Variants in SNCB observed in about 807,000 individuals in gnomAD.
SNCB encodes synuclein beta.
Under a neutral mutation model 20.0 loss-of-function variants are expected in SNCB, and 8 were observed. That is an observed-to-expected ratio of 0.40 (90% CI 0.24 to 0.72). The LOEUF (loss-of-function observed/expected upper bound fraction) is 0.72. Among genes scored for constraint, SNCB ranks in the 30% least tolerant of loss-of-function variants. The probability of loss-of-function intolerance (pLI) is 0.37; values close to 1 mark genes in which losing one functional copy is unlikely to be tolerated. For synonymous variants in SNCB, 56 were observed against 65.4 expected (o/e 0.86, Z 0.69); for missense variants, 125 against 168.0 (o/e 0.74, Z 1.41).
In SNCB at chr5:176,629,029, G is replaced by A. The variant is rs540557713; in HGVS notation, c.121+505C>T. On this transcript the variant is annotated intron_variant, in intron 2 of 5. Transcript: ENST00000393693. This position sits in a 1 kb window ranked among gnomAD's most constrained non-coding sequence, Gnocchi z 4.1. ...GGTGCTGGAGGGAGGCGCCACAAGG[G>A]GAGGGGTGGGGCTTCAGAATCTATA... Among the ~76,000 whole-genome samples the A allele has an allele frequency of 3.9e-5, 6 of 152,252 alleles. No individual in the cohort carries two copies. Among genetic ancestry groups the A allele is most frequent in the East Asian group, 3.9e-4 (2 of 5,176 alleles).
Position 176,629,271 on chromosome 5 carries a change from GCTGT to G in SNCB, c.121+259_121+262del, listed in dbSNP as rs952451363. ...TGGTAAAAAAGATAAGAAAAAGGAGGCTGTCTGCTTTCATCACTGCACTGGTCCC... is the reference window on the plus strand; with the variant it reads ...TGGTAAAAAAGATAAGAAAAAGGAGGCTGCTTTCATCACTGCACTGGTCCC... On this transcript the variant is annotated intron_variant, in intron 2 of 5. Coordinates refer to ENST00000393693, the MANE Select transcript of SNCB (RefSeq NM_003085.5). This position sits in a 1 kb window ranked among gnomAD's most constrained non-coding sequence, Gnocchi z 4.1. Among the ~76,000 whole-genome samples the G allele has an allele frequency of 5.9e-5, 9 of 152,058 alleles. No homozygotes were observed. Among genetic ancestry groups the G allele is most frequent in the African/African-American group, 1.9e-4 (8 of 41,390 alleles).
intron 4 of SNCB, among the ~76,000 whole-genome samples, chr5:176,622,943 G>A (rs1162210877): frequency 2.6e-5 from 4 of 151,738 alleles, no homozygotes; most frequent in Non-Finnish European, 5.9e-5. Flanking sequence ...CGCCATGTTG[G>A]TCAGGCTGTT....
At position 176,629,893 on chromosome 5, in the gene SNCB, G is replaced by T; in HGVS notation, c.-9-230C>A. On this transcript the variant is annotated intron_variant, in intron 1 of 5. Coordinates refer to ENST00000393693, the MANE Select transcript of SNCB (RefSeq NM_003085.5). This position sits in a 1 kb window ranked among gnomAD's most constrained non-coding sequence, Gnocchi z 4.1. ...GGACGCGGGAGGGGCCACTGCCTCG[G>T]TTATCCGGGCCCTGCAAACTGCAGC... 1 of 529,106 alleles carries T rather than the reference G, an allele frequency of 1.9e-6. No homozygotes were observed. The highest frequency in any genetic ancestry group is 3.2e-6 in the Non-Finnish European group (1 of 309,540). The allele number at this position is 529,106 out of a possible 1,614,324, so 32.8% of individuals were successfully genotyped here. A position where few individuals can be genotyped will look rare whatever the true frequency, so the allele number is the denominator to read the frequency against.
At position 176,629,228 on chromosome 5, in the gene SNCB, C is replaced by T. The variant is rs1250760164; in HGVS notation, c.121+306G>A. 6.6e-6 allele frequency among the ~76,000 whole-genome samples: 1 copy of T among 152,128 alleles called. No homozygotes were observed. The highest frequency in any genetic ancestry group is 1.5e-5 in the Non-Finnish European group (1 of 68,032). On this transcript the variant is annotated intron_variant, in intron 2 of 5. Transcript: ENST00000393693. The surrounding 1 kb of genome is among the most constrained non-coding windows in gnomAD (Gnocchi z 4.1). ...CTTGGCATACAGAAAGTGTTCAACACCAGATAACTATTAATAATGGTAAAA... is the reference window on the plus strand; with the variant it reads ...CTTGGCATACAGAAAGTGTTCAACATCAGATAACTATTAATAATGGTAAAA...
chr5:176,626,772 A>G lies in SNCB; in HGVS notation c.122-11T>C, dbSNP rs1759984878. On this transcript the variant is annotated splice_polypyrimidine_tract_variant and intron_variant, in intron 2 of 5. Coordinates refer to ENST00000393693, the MANE Select transcript of SNCB (RefSeq NM_003085.5). The surrounding 1 kb of genome is among the most constrained non-coding windows in gnomAD (Gnocchi z 4.2). ...CTCGGGTCTTGCTTCCTGCAGGGAG[A>G]AAAAGCGGCACATTTAAGGACTCTG... is the stretch of plus-strand genomic sequence containing the variant. The G allele has an allele frequency of 6.2e-7, 1 of 1,613,968 alleles. No individual in the cohort carries two copies. Among genetic ancestry groups the G allele is most frequent in the Non-Finnish European group, 8.5e-7 (1 of 1,179,914 alleles).
rs1206655163 is a variant in SNCB at position 176,629,492 on chromosome 5, A to AC, written c.121+41dup. ...GGCCCCAGCTCCACACTGTCGGGGGACCCCCAGCCCTGCAGCCCCAGAAAC... is the reference window on the plus strand; with the variant it reads ...GGCCCCAGCTCCACACTGTCGGGGGACCCCCCAGCCCTGCAGCCCCAGAAAC... On this transcript the variant is annotated intron_variant, in intron 2 of 5. Coordinates refer to ENST00000393693, the MANE Select transcript of SNCB (RefSeq NM_003085.5). This position sits in a 1 kb window ranked among gnomAD's most constrained non-coding sequence, Gnocchi z 4.1. The AC allele has an allele frequency of 1.9e-6, 3 of 1,595,732 alleles. No homozygotes were observed. The highest frequency in any genetic ancestry group is 1.7e-5 in the Admixed American group (1 of 58,952).
chr5:176,625,583 G>A lies in SNCB; in HGVS notation c.282+815C>T, dbSNP rs114990768. Among the ~76,000 whole-genome samples, 956 of 152,296 alleles carry A rather than the reference G, an allele frequency of 6.3e-3. 10 individuals are homozygous for A. The highest frequency in any genetic ancestry group is 0.022 in the African/African-American group (919 of 41,538). ...CAAACCCAGCTGAGGCTGGGGGTAG[G>A]TGGGTTCAGAGCTCACAACTCTTAA... On this transcript the variant is annotated intron_variant, in intron 4 of 5. Coordinates refer to ENST00000393693, the MANE Select transcript of SNCB (RefSeq NM_003085.5).
At position 176,628,548 on chromosome 5, in the gene SNCB, T is replaced by C. The variant is rs923079869; in HGVS notation, c.121+986A>G. 4.6e-5 allele frequency among the ~76,000 whole-genome samples: 7 copies of C among 152,300 alleles called. No individual in the cohort carries two copies. The East Asian group carries it at 1.3e-3, about 29-fold the overall frequency. ...TGGCCTGCAAAGGGCCCTCGTGAAC[T>C]GTCTCCTGCCCATCGCTCTGACCTC... On this transcript the variant is annotated intron_variant, in intron 2 of 5. Transcript: ENST00000393693.
Position 176,621,291 on chromosome 5 carries a change from C to G in SNCB, c.295G>C (p.Ala99Pro). The change falls in exon 5 of 6, where the codon GCC (alanine) becomes CCC (proline). Residue 99 changes from alanine to proline, a missense_variant. By Grantham distance (27) the Ala-to-Pro change is conservative. Coordinates refer to ENST00000393693, the MANE Select transcript of SNCB (RefSeq NM_003085.5). The surrounding 1 kb of genome is among the most constrained non-coding windows in gnomAD (Gnocchi z 4.1). ...FPTDLKPEEVAQEAAEEPLIE... is the reference protein window; with the variant it reads ...FPTDLKPEEVPQEAAEEPLIE... ...AGTGGTTCTTCAGCAGCTTCCTGGG[C>G]CACTTCCTCTGGCTGTGGGCAGAAA... 1.2e-6 allele frequency: 2 copies of G among 1,613,464 alleles called. No homozygotes were observed. Among genetic ancestry groups the G allele is most frequent in the Non-Finnish European group, 1.7e-6 (2 of 1,179,808 alleles).
chr5:176,629,930 G>T lies in SNCB; in HGVS notation c.-9-267C>A, dbSNP rs1760261395. 3 of 425,280 alleles carry T rather than the reference G, an allele frequency of 7.1e-6. No homozygotes were observed. The Admixed American group carries it at 1.2e-4, about 17-fold the overall frequency. The allele number at this position is 425,280 out of a possible 1,614,324, so 26.3% of individuals were successfully genotyped here. Reference sequence around the variant, plus strand: ...CTGCAAACTGCAGCCCCGTCGAACCGGAGTGCTGGGTTCGGCGCGAATATC... The same window carrying T: ...CTGCAAACTGCAGCCCCGTCGAACCTGAGTGCTGGGTTCGGCGCGAATATC... On this transcript the variant is annotated intron_variant, in intron 1 of 5. Transcript: ENST00000393693. The surrounding 1 kb of genome is among the most constrained non-coding windows in gnomAD (Gnocchi z 4.1).
rs1197462194 is a variant in SNCB, at chr5:176,620,241, G to GA, written c.*569_*570insT. 2 of 7,836 alleles carry GA rather than the reference G, an allele frequency of 2.6e-4. No individual in the cohort carries two copies. Among genetic ancestry groups the GA allele is most frequent in the Non-Finnish European group, 4.6e-4 (2 of 4,326 alleles). 0.5% of individuals were successfully genotyped at this position (7,836 alleles called of 1,614,324 possible). A position where few individuals can be genotyped will look rare whatever the true frequency, so the allele number is the denominator to read the frequency against. ...AGATTAGCTTTATTCATGGACTCTCGGGGGCGGCCGGGCCCACCCGCCCGG... is the reference window on the plus strand; with the variant it reads ...AGATTAGCTTTATTCATGGACTCTCGAGGGGCGGCCGGGCCCACCCGCCCGG... On this transcript the variant is annotated 3_prime_UTR_variant, in exon 6 of 6. Coordinates refer to ENST00000393693, the MANE Select transcript of SNCB (RefSeq NM_003085.5). The surrounding 1 kb of genome is among the most constrained non-coding windows in gnomAD (Gnocchi z 4.5).
rs1457212826 is a variant in SNCB, at chr5:176,626,102, A to C, written c.282+296T>G. The stretch of plus-strand genomic sequence containing the variant: ...AAGAAATGAATGAACAATCATTGAC[A>C]CATGCAGACGTGGCCAGAAGTCATC... On this transcript the variant is annotated intron_variant, in intron 4 of 5. Transcript: ENST00000393693. The surrounding 1 kb of genome is among the most constrained non-coding windows in gnomAD (Gnocchi z 4.2). Among the ~76,000 whole-genome samples, 2 of 152,208 alleles carry C rather than the reference A, an allele frequency of 1.3e-5. No homozygotes were observed. Among genetic ancestry groups the C allele is most frequent in the African/African-American group, 4.8e-5 (2 of 41,436 alleles).
At position 176,621,207 on chromosome 5, in the gene SNCB, C is replaced by G; in HGVS notation, c.372+7G>C. The G allele has an allele frequency of 6.2e-7, 1 of 1,608,226 alleles. No individual in the cohort carries two copies. The highest frequency in any genetic ancestry group is 1.1e-5 in the South Asian group (1 of 90,158). On this transcript the variant is annotated splice_region_variant and intron_variant, in intron 5 of 5. Coordinates refer to ENST00000393693, the MANE Select transcript of SNCB (RefSeq NM_003085.5). This position sits in a 1 kb window ranked among gnomAD's most constrained non-coding sequence, Gnocchi z 4.1. ...CAAAGTCCCGCCCAGCCCTGCTGCC[C>G]CCTCACCTGGGGTGGGTCCTCATAA...
chr5:176,623,623 C>A (rs1200606870), intron 4 of SNCB, among the ~76,000 whole-genome samples: 3 of 152,150 alleles, frequency 2.0e-5, no homozygotes, highest in Non-Finnish European at 4.4e-5. Flanking sequence ...GGGTAGTGTT[C>A]TGTCTCGAGC....
chr5:176,628,823 T>G (rs1760139205), intron 2 of SNCB, among the ~76,000 whole-genome samples: 2 of 152,202 alleles, frequency 1.3e-5, no homozygotes, highest in Non-Finnish European at 2.9e-5. Context: ...ACACAAAATA[T>G]TTTTCAAATG....
Position 176,629,946 on chromosome 5 carries a change from C to T in SNCB, c.-9-283G>A, listed in dbSNP as rs1760262523. 2.6e-6 allele frequency: 1 copy of T among 381,844 alleles called. No individual in the cohort carries two copies. Among genetic ancestry groups the T allele is most frequent in the African/African-American group, 2.1e-5 (1 of 48,654 alleles). 23.7% of individuals were successfully genotyped at this position (381,844 alleles called of 1,614,324 possible). On this transcript the variant is annotated intron_variant, in intron 1 of 5. Coordinates refer to ENST00000393693, the MANE Select transcript of SNCB (RefSeq NM_003085.5). This position sits in a 1 kb window ranked among gnomAD's most constrained non-coding sequence, Gnocchi z 4.1. ...CGTCGAACCGGAGTGCTGGGTTCGG[C>T]GCGAATATCCAGGACCCGCCTGTAC...
chr5:176,622,832 G>A (rs1393596778), intron 4 of SNCB, among the ~76,000 whole-genome samples: 2 of 150,038 alleles, frequency 1.3e-5, no homozygotes, highest in Admixed American at 6.7e-5. Context: ...AGCCTCCTGG[G>A]TTCCAGCGAT....
Position 176,629,393 on chromosome 5 carries a change from C to G in SNCB, c.121+141G>C. 1 of 895,772 alleles carries G rather than the reference C, an allele frequency of 1.1e-6. No individual in the cohort carries two copies. The highest frequency in any genetic ancestry group is 1.7e-6 in the Non-Finnish European group (1 of 575,496). The allele number at this position is 895,772 out of a possible 1,614,324, so 55.5% of individuals were successfully genotyped here. A position where few individuals can be genotyped will look rare whatever the true frequency, so the allele number is the denominator to read the frequency against. On this transcript the variant is annotated intron_variant, in intron 2 of 5. Coordinates refer to ENST00000393693, the MANE Select transcript of SNCB (RefSeq NM_003085.5). This position sits in a 1 kb window ranked among gnomAD's most constrained non-coding sequence, Gnocchi z 4.1. ...AGGCTTCTATGGGCTGGCTATGTCC[C>G]CTATGACCCCTGCTGACCTCGCCCC... is the stretch of plus-strand genomic sequence containing the variant.
At chr5:176,624,015 G>A (rs1176861903) in intron 4 of SNCB, among the ~76,000 whole-genome samples, 2 of 152,222 alleles carry the variant, frequency 1.3e-5, no homozygotes, top group Non-Finnish European at 2.9e-5. Flanking sequence ...CCATGGGCCT[G>A]CATGAGTCCC....
Sources: gnomAD v4.1 joint callset for allele counts (sites outside exome capture counted in the v4.1 genomes callset) on GRCh38, gnomAD v4.1.1 for gene constraint, Gnocchi (gnomAD v3.1) non-coding constraint, MANE v1.5 for transcripts, NCBI Gene and HGNC (gene_info 2026-07-23, HGNC 2026-07-21) for gene names.